IL1RAPL1: variants seen among roughly 807,000 people sequenced by gnomAD.
The protein encoded by IL1RAPL1 is interleukin 1 receptor accessory protein like 1, also known as interleukin-1 receptor accessory protein-like 1.
In IL1RAPL1, 3 loss-of-function variants were observed where a neutral mutation model predicts 48.4. The ratio of observed to expected loss-of-function variants is 0.06; its 90% CI spans 0.03 to 0.16. The LOEUF (loss-of-function observed/expected upper bound fraction) is 0.16, where lower values mean the gene tolerates loss of function less well. Ranked by LOEUF, IL1RAPL1 falls within the 10% of genes least tolerant of loss-of-function variation. The pLI, the probability that IL1RAPL1 is intolerant of heterozygous loss-of-function variation, is 1.00. For synonymous variants in IL1RAPL1, 185 were observed against 187.7 expected (o/e 0.99, Z 0.12); for missense variants, 349 against 530.6 (o/e 0.66, Z 3.36).
intron 1 of IL1RAPL1, among the ~76,000 whole-genome samples, chrX:28,723,103 C>T (rs1274264547): frequency 3.6e-5 from 4 of 111,410 alleles, no homozygotes; most frequent in African/African-American, 9.8e-5. Context: ...TGATGCTGGC[C>T]TCATAAAATG....
At chrX:29,536,146 T>A (rs1011367105) in intron 5 of IL1RAPL1, among the ~76,000 whole-genome samples, 1 of 111,981 alleles carries the variant, frequency 8.9e-6, no homozygotes, top group Non-Finnish European at 1.9e-5. Flanking sequence ...AAGAGAAAAA[T>A]TTTTAAAAGT....
At chrX:28,799,284 C>A (rs1936648205) in intron 2 of IL1RAPL1, among the ~76,000 whole-genome samples, 1 of 112,065 alleles carries the variant, frequency 8.9e-6, no homozygotes, top group Non-Finnish European at 1.9e-5. Flanking sequence ...GATGAAGCCC[C>A]AAATGTAGAT....
chrX:28,820,011 T>TATATATAC (rs1936919222), intron 2 of IL1RAPL1, among the ~76,000 whole-genome samples: 1 of 76,459 alleles, frequency 1.3e-5, no homozygotes, highest in Non-Finnish European at 2.4e-5. Context: ...TATATATATA[T>TATATATAC]ATACATGTAC....
intron 1 of IL1RAPL1, among the ~76,000 whole-genome samples, chrX:28,721,735 A>G (rs1935584099): frequency 9.0e-6 from 1 of 111,304 alleles, no homozygotes; most frequent in Admixed American, 9.6e-5. Context: ...TAGGTCTGAC[A>G]TTTAAGTCTT....
intron 2 of IL1RAPL1, among the ~76,000 whole-genome samples, chrX:28,829,390 G>C (rs1601921184): frequency 1.8e-5 from 2 of 110,567 alleles, no homozygotes; most frequent in Admixed American, 1.9e-4. Context: ...GTGTTGAATG[G>C]AAATGGTGAG....
chrX:28,714,514 TC>T (rs1357000752), intron 1 of IL1RAPL1, among the ~76,000 whole-genome samples: 2 of 111,913 alleles, frequency 1.8e-5, no homozygotes, highest in African/African-American at 6.5e-5. Context: ...TATCATAATT[TC>T]CTTTTAAAAG....
chrX:29,636,427 G>A (rs1313274084), intron 5 of IL1RAPL1, among the ~76,000 whole-genome samples: 2 of 112,029 alleles, frequency 1.8e-5, no homozygotes, highest in East Asian at 5.6e-4. Context: ...CTCAGATATT[G>A]CCAGTAAGAG....
intron 2 of IL1RAPL1, among the ~76,000 whole-genome samples, chrX:28,911,227 C>T (rs896082086): frequency 9.0e-6 from 1 of 110,929 alleles, no homozygotes; most frequent in African/African-American, 3.3e-5. Context: ...TTTGTTTATA[C>T]GGTTAAAAGG....
At chrX:29,800,388 C>A (rs1243190483) in intron 6 of IL1RAPL1, among the ~76,000 whole-genome samples, 2 of 110,679 alleles carry the variant, frequency 1.8e-5, no homozygotes, top group Non-Finnish European at 3.8e-5. Context: ...ACAAGCTTCT[C>A]ATGATTCAAT....
At chrX:29,123,209 T>C (rs1928833285) in intron 2 of IL1RAPL1, among the ~76,000 whole-genome samples, 2 of 109,428 alleles carry the variant, frequency 1.8e-5, no homozygotes, top group South Asian at 3.9e-4. Context: ...TTTGTACTTT[T>C]AGTAGAGTCG....
At chrX:29,330,419 G>A (rs745864247) in intron 3 of IL1RAPL1, among the ~76,000 whole-genome samples, 3 of 111,694 alleles carry the variant, frequency 2.7e-5, no homozygotes, top group Non-Finnish European at 5.6e-5. Context: ...TATTACAACA[G>A]AAAAGACAGG....
At chrX:29,064,722 C>T (rs934347412) in intron 2 of IL1RAPL1, among the ~76,000 whole-genome samples, 1 of 110,889 alleles carries the variant, frequency 9.0e-6, no homozygotes, top group Non-Finnish European at 1.9e-5. Flanking sequence ...GCTGGGACTA[C>T]AGGCGCCCGC....
rs1323536147 is a variant in IL1RAPL1, at chrX:28,737,192, T to C, written c.-24-52128T>C. On this transcript the variant is annotated intron_variant, in intron 1 of 10. Coordinates refer to ENST00000378993, the MANE Select transcript of IL1RAPL1 (RefSeq NM_014271.4). ...TTCCTTCCTTCCTTTCTTTCCTTTC[T>C]CTTTCTTTCTTTCTCTTTCTTTCTT... Among the ~76,000 whole-genome samples the C allele has an allele frequency of 1.5e-4, 14 of 90,571 alleles. No homozygotes were observed. The East Asian group carries it at 3.3e-3, about 21-fold the overall frequency. 78.7% of individuals were successfully genotyped at this position (90,571 alleles called of 115,157 possible). A position where few individuals can be genotyped will look rare whatever the true frequency, so the allele number is the denominator to read the frequency against.
At chrX:28,739,230 G>C (rs1935880367) in intron 1 of IL1RAPL1, among the ~76,000 whole-genome samples, 1 of 110,577 alleles carries the variant, frequency 9.0e-6, no homozygotes, top group South Asian at 3.9e-4. Flanking sequence ...TTCCTTTCCT[G>C]ACCACTCTTT....
At position 28,917,123 on chromosome X, in the gene IL1RAPL1, C is replaced by T. The variant is rs920856602; in HGVS notation, c.82+127698C>T. On this transcript the variant is annotated intron_variant, in intron 2 of 10. Transcript: ENST00000378993. ...CTACTTCACTTTTGAAACATAACCT[C>T]ATTTGAATGTATTTTAACTGGGACT... 1.3e-4 allele frequency among the ~76,000 whole-genome samples: 14 copies of T among 111,587 alleles called. No individual in the cohort carries two copies. In the Admixed American group the frequency reaches 1.3e-3, roughly 11 times the overall value.
intron 7 of IL1RAPL1, among the ~76,000 whole-genome samples, chrX:29,919,479 A>G (rs1222242212): frequency 2.7e-5 from 3 of 112,413 alleles, no homozygotes; most frequent in East Asian, 5.5e-4. Context: ...AAAACAGGCA[A>G]TTTGTTAGTA....
intron 2 of IL1RAPL1, among the ~76,000 whole-genome samples, chrX:28,974,824 A>T (rs775475007): frequency 5.4e-5 from 6 of 111,742 alleles, no homozygotes; most frequent in South Asian, 7.5e-4. Context: ...GTGGACAATT[A>T]TCATCTTCTG....
At chrX:29,103,133 T>G (rs939296011) in intron 2 of IL1RAPL1, among the ~76,000 whole-genome samples, 2 of 111,769 alleles carry the variant, frequency 1.8e-5, no homozygotes, top group Non-Finnish European at 3.8e-5. Context: ...TCCAAGAATT[T>G]ATATGGAACC....
At chrX:29,355,800 T>A (rs763857138) in intron 3 of IL1RAPL1, among the ~76,000 whole-genome samples, 71 of 112,002 alleles carry the variant, frequency 6.3e-4, no homozygotes, top group Middle Eastern at 4.6e-3. Context: ...TCTATAGTAA[T>A]ATTTTAAAAT....
Sources: allele counts gnomAD v4.1 joint callset (sites outside exome capture counted in the v4.1 genomes callset), GRCh38; gene constraint gnomAD v4.1.1; transcripts MANE v1.5; gene names NCBI Gene and HGNC (gene_info 2026-07-23, HGNC 2026-07-21).